Variants in SCMH1 observed in about 807,000 individuals in gnomAD.
SCMH1 encodes Scm polycomb group protein homolog 1.
In SCMH1, 37 loss-of-function variants were observed where a neutral mutation model predicts 70.8. The observed-to-expected ratio is 0.52, with a 90% CI of 0.40 to 0.69. SCMH1 has a LOEUF of 0.69. Ranked by LOEUF, SCMH1 falls within the 30% of genes least tolerant of loss-of-function variation. The probability of loss-of-function intolerance (pLI) is 0.00; values close to 1 mark genes in which losing one functional copy is unlikely to be tolerated. For missense variants in SCMH1, 607 were observed against 827.3 expected, an observed-to-expected ratio of 0.73 and a Z score of 3.27; for synonymous variants, 292 against 307.4, an observed-to-expected ratio of 0.95 and a Z score of 0.52.
chr1:41,054,835 A>G (rs1441029542), intron 10 of SCMH1, among the ~76,000 whole-genome samples: 1 of 152,226 alleles, frequency 6.6e-6, no homozygotes, highest in Non-Finnish European at 1.5e-5. Context: ...GCTGGAGTGC[A>G]GTGGCATGCA....
chr1:41,159,918 A>T (rs1263530039), intron 4 of SCMH1: 1 of 904,070 alleles, frequency 1.1e-6, no homozygotes, highest in African/African-American at 1.7e-5. Context: ...TAGCTCATGT[A>T]ATCTTCTTTA....
At chr1:41,230,528 C>G (rs896861651) in intron 1 of SCMH1, among the ~76,000 whole-genome samples, 1 of 151,862 alleles carries the variant, frequency 6.6e-6, no homozygotes, top group African/African-American at 2.4e-5. Flanking sequence ...TTCCATAGCA[C>G]ACGCCTGAGG....
At chr1:41,046,371 C>G (rs1478264266) in intron 12 of SCMH1, 36 bp downstream of exon 12, 2 of 1,593,366 alleles carry the variant, frequency 1.3e-6, no homozygotes, top group South Asian at 2.2e-5. Context: ...TAGCCCTGTC[C>G]CCCACTCTCA....
chr1:41,227,880 AG>A lies in SCMH1; in HGVS notation c.-118+14178del, dbSNP rs1287854532. Among the ~76,000 whole-genome samples, 5 of 152,110 alleles carry A rather than the reference AG, an allele frequency of 3.3e-5. No homozygotes were observed. The East Asian group carries it at 9.6e-4, about 29-fold the overall frequency. ...GTAATCCCAGCTACTTGGGAGGCTG[AG>A]GGAGGAGAATCATGTGAACCCTGGA... On this transcript the variant is annotated intron_variant, in intron 1 of 14. Coordinates refer to ENST00000337495, the Ensembl canonical transcript of SCMH1.
chr1:41,200,083 T>G (rs1055998247), intron 1 of SCMH1, among the ~76,000 whole-genome samples: 4 of 152,178 alleles, frequency 2.6e-5, no homozygotes, highest in Admixed American at 2.6e-4. Flanking sequence ...AGGAACTAAT[T>G]GGCACTGGCT....
intron 1 of SCMH1, among the ~76,000 whole-genome samples, chr1:41,229,465 T>C (rs896919104): frequency 1.3e-4 from 20 of 152,034 alleles, no homozygotes; most frequent in Non-Finnish European, 2.2e-4. Context: ...CTGGAAACCA[T>C]CATTCTGAGC....
At chr1:41,046,103 C>T (rs926261587) in intron 12 of SCMH1, among the ~76,000 whole-genome samples, 1 of 152,156 alleles carries the variant, frequency 6.6e-6, no homozygotes, top group African/African-American at 2.4e-5. Context: ...CGTTCTGTGA[C>T]TTCTTGGTGG....
chr1:41,127,772 C>T (rs1296309840), intron 6 of SCMH1, among the ~76,000 whole-genome samples: 2 of 152,114 alleles, frequency 1.3e-5, no homozygotes, highest in Non-Finnish European at 2.9e-5. Context: ...AGAGGAAGAG[C>T]TCTCTTCCTC....
chr1:41,227,346 C>T (rs1306036412), intron 1 of SCMH1, among the ~76,000 whole-genome samples: 1 of 152,212 alleles, frequency 6.6e-6, no homozygotes, highest in Non-Finnish European at 1.5e-5. Flanking sequence ...CCTCGTAGAG[C>T]ACTAAACAAC....
At chr1:41,234,577 C>G (rs1266186992) in intron 1 of SCMH1, among the ~76,000 whole-genome samples, 2 of 144,408 alleles carry the variant, frequency 1.4e-5, no homozygotes, top group Non-Finnish European at 3.0e-5. Flanking sequence ...CACGTTCAAG[C>G]CATTCTCCTG....
chr1:41,192,376 TA>T (rs1651909400), intron 1 of SCMH1, among the ~76,000 whole-genome samples: 1 of 152,090 alleles, frequency 6.6e-6, no homozygotes, highest in South Asian at 2.1e-4. Context: ...TTCTATCACT[TA>T]CCAGTTGTAT....
At chr1:41,034,128 T>C in intron 13 of SCMH1, 80 bp from the exon 14 acceptor site, 2 of 1,532,908 alleles carry the variant, frequency 1.3e-6, no homozygotes, top group South Asian at 2.5e-5. Context: ...ACCTGAGAGG[T>C]GAGATGACTG....
intron 1 of SCMH1, among the ~76,000 whole-genome samples, chr1:41,198,932 C>T (rs915532734): frequency 2.0e-5 from 3 of 152,156 alleles, no homozygotes; most frequent in Admixed American, 1.3e-4. Flanking sequence ...CTGACCTAAA[C>T]TCCTCCAACT....
intron 6 of SCMH1, among the ~76,000 whole-genome samples, chr1:41,128,526 C>T (rs572708552): frequency 1.3e-5 from 2 of 152,072 alleles, no homozygotes; most frequent in Non-Finnish European, 2.9e-5. Context: ...AAGTTGCTGT[C>T]ATTCTTTGTT....
intron 6 of SCMH1, among the ~76,000 whole-genome samples, chr1:41,126,037 T>C (rs966549039): frequency 2.0e-5 from 3 of 152,178 alleles, no homozygotes; most frequent in African/African-American, 7.2e-5. Flanking sequence ...TAAATATATT[T>C]TAAAGGCCAG....
chr1:41,060,631 TA>T (rs1652278606), intron 10 of SCMH1, among the ~76,000 whole-genome samples: 1 of 151,882 alleles, frequency 6.6e-6, no homozygotes, highest in East Asian at 1.9e-4. Context: ...CAAAATTAAT[TA>T]TGACCTTTTT....
chr1:41,069,044 T>G (rs1655595782), intron 10 of SCMH1, among the ~76,000 whole-genome samples: 1 of 152,092 alleles, frequency 6.6e-6, no homozygotes, highest in South Asian at 2.1e-4. Flanking sequence ...AAGGTTGAAT[T>G]AATAATAAGT....
chr1:41,049,742 G>A (rs1307724152), intron 10 of SCMH1, among the ~76,000 whole-genome samples: 2 of 148,026 alleles, frequency 1.4e-5, no homozygotes, highest in Non-Finnish European at 3.0e-5. Context: ...ACGCCAGCCT[G>A]GGGGACAGAG....
chr1:41,028,992 A>G (rs1644129816), intron 13 of SCMH1, among the ~76,000 whole-genome samples: 1 of 152,166 alleles, frequency 6.6e-6, no homozygotes, highest in South Asian at 2.1e-4. Context: ...AACCTGAGAC[A>G]GTGGTACCAA....
Sources: allele counts gnomAD v4.1 joint callset (sites outside exome capture counted in the v4.1 genomes callset), GRCh38; gene constraint gnomAD v4.1.1; transcripts MANE v1.5; gene names NCBI Gene and HGNC (gene_info 2026-07-23, HGNC 2026-07-21).